FBXL17: variants seen among roughly 807,000 people sequenced by gnomAD.
FBXL17 encodes F-box/LRR-repeat protein 17.
Under a neutral mutation model 66.2 loss-of-function variants are expected in FBXL17, and 22 were observed. The observed-to-expected ratio is 0.33, with a 90% CI of 0.24 to 0.47. FBXL17 has a LOEUF of 0.47. FBXL17 is among the 20% of genes least tolerant of loss of function. The pLI is 1.00. For synonymous variants in FBXL17, 474 were observed against 400.5 expected (o/e 1.18, Z -2.19); for missense variants, 878 against 948.2 (o/e 0.93, Z 0.97).
chr5:108,186,452 T>C (rs1011697532), intron 5 of FBXL17, among the ~76,000 whole-genome samples: 1 of 152,108 alleles, frequency 6.6e-6, no homozygotes, highest in African/African-American at 2.4e-5. Context: ...CTATGGTGAA[T>C]ATCTGAATGG....
At chr5:108,059,607 C>T (rs1050582750) in intron 6 of FBXL17, among the ~76,000 whole-genome samples, 1 of 152,218 alleles carries the variant, frequency 6.6e-6, no homozygotes, top group African/African-American at 2.4e-5. Context: ...CCTCAGGATA[C>T]TCTTGTTCTC....
At chr5:107,881,497 C>G (rs1440224992) in intron 7 of FBXL17, among the ~76,000 whole-genome samples, 1 of 151,934 alleles carries the variant, frequency 6.6e-6, no homozygotes, top group Non-Finnish European at 1.5e-5. Context: ...ATTACAGATA[C>G]AACATTTAAA....
chr5:108,150,957 T>C (rs1303439130), intron 6 of FBXL17, among the ~76,000 whole-genome samples: 1 of 152,192 alleles, frequency 6.6e-6, no homozygotes, highest in Admixed American at 6.5e-5. Context: ...TTTATCAAGA[T>C]GAATCTGACA....
At chr5:108,340,280 G>A (rs1746794217) in intron 4 of FBXL17, among the ~76,000 whole-genome samples, 2 of 152,026 alleles carry the variant, frequency 1.3e-5, no homozygotes, top group Non-Finnish European at 1.5e-5. Context: ...GCCAGGCATG[G>A]TGGCTGATGC....
intron 7 of FBXL17, among the ~76,000 whole-genome samples, chr5:107,926,569 G>A (rs1750532795): frequency 6.6e-6 from 1 of 151,236 alleles, no homozygotes; most frequent in Admixed American, 6.6e-5. Flanking sequence ...ATTAATGTGT[G>A]TCATGATCTC....
intron 6 of FBXL17, among the ~76,000 whole-genome samples, chr5:108,087,165 C>T (rs1749006414): frequency 6.6e-6 from 1 of 152,156 alleles, no homozygotes; most frequent in Non-Finnish European, 1.5e-5. Context: ...TTATATGAGC[C>T]TATCAAGGCC....
intron 4 of FBXL17, among the ~76,000 whole-genome samples, chr5:108,345,981 T>A (rs1462313686): frequency 6.6e-6 from 1 of 152,154 alleles, no homozygotes; most frequent in Admixed American, 6.5e-5. Flanking sequence ...AAAGCATAGT[T>A]GAAATTCTTT....
chr5:108,324,550 T>C (rs1262606979), intron 4 of FBXL17, among the ~76,000 whole-genome samples: 2 of 151,994 alleles, frequency 1.3e-5, no homozygotes, highest in African/African-American at 2.4e-5. Context: ...ATATTAAAAA[T>C]AGAATTATAT....
chr5:107,973,354 A>AT (rs200079422), intron 7 of FBXL17, among the ~76,000 whole-genome samples: 2,897 of 120,314 alleles, frequency 0.024, 38 homozygotes, highest in African/African-American at 0.03. Flanking sequence ...TTTTTTTGTA[A>AT]TTTTTTTTTT....
intron 6 of FBXL17, among the ~76,000 whole-genome samples, chr5:108,094,043 T>A (rs1251409354): frequency 6.6e-6 from 1 of 152,134 alleles, no homozygotes; most frequent in East Asian, 1.9e-4. Flanking sequence ...GGATTAAAAA[T>A]CAAAATCTGC....
intron 6 of FBXL17, among the ~76,000 whole-genome samples, chr5:108,029,532 A>T (rs2112781652): frequency 6.6e-6 from 1 of 152,266 alleles, no homozygotes; most frequent in South Asian, 2.1e-4. Flanking sequence ...CATCAGAGGC[A>T]AATCATCTTT....
intron 6 of FBXL17, among the ~76,000 whole-genome samples, chr5:108,170,569 T>TGA (rs1473886991): frequency 6.6e-6 from 1 of 152,170 alleles, no homozygotes; most frequent in Non-Finnish European, 1.5e-5. Context: ...AGTCTCACTC[T>TGA]GTCGTCCAGG....
intron 7 of FBXL17, among the ~76,000 whole-genome samples, chr5:107,894,186 A>T (rs939858308): frequency 8.5e-5 from 13 of 152,174 alleles, no homozygotes; most frequent in Non-Finnish European, 1.0e-4. Flanking sequence ...ATGACAAATA[A>T]TTTACTAAGC....
intron 4 of FBXL17, among the ~76,000 whole-genome samples, chr5:108,347,956 T>C (rs1009943859): frequency 2.6e-5 from 4 of 152,180 alleles, no homozygotes; most frequent in African/African-American, 7.2e-5. Flanking sequence ...CTCTAACTTA[T>C]TGAATCCCAT....
At chr5:108,068,640 G>A (rs1346919749) in intron 6 of FBXL17, among the ~76,000 whole-genome samples, 1 of 151,874 alleles carries the variant, frequency 6.6e-6, no homozygotes, top group Non-Finnish European at 1.5e-5. Context: ...TATTTTTTTA[G>A]TAGAGACGGG....
At chr5:108,150,687 T>C (rs1269381322) in intron 6 of FBXL17, among the ~76,000 whole-genome samples, 2 of 152,226 alleles carry the variant, frequency 1.3e-5, no homozygotes, top group Non-Finnish European at 2.9e-5. Flanking sequence ...TGCTTCCTTG[T>C]GATTAAATTC....
chr5:107,915,610 G>A (rs1157698801), intron 7 of FBXL17, among the ~76,000 whole-genome samples: 3 of 152,148 alleles, frequency 2.0e-5, no homozygotes, highest in African/African-American at 7.2e-5. Flanking sequence ...CAATGTTCTT[G>A]CGTAATCTAG....
chr5:108,137,663 G>A (rs1447940491), intron 6 of FBXL17, among the ~76,000 whole-genome samples: 1 of 152,132 alleles, frequency 6.6e-6, no homozygotes, highest in Non-Finnish European at 1.5e-5. Context: ...TATATTTCAA[G>A]AGAAAGTCAT....
At chr5:108,020,773 T>G (rs903622640) in intron 7 of FBXL17, 152 bp downstream of exon 7, 3 of 550,916 alleles carry the variant, frequency 5.4e-6, no homozygotes, top group African/African-American at 1.9e-5. Context: ...AGCTCATAAT[T>G]TTTTTATTTT....
Sources: allele counts gnomAD v4.1 joint callset (sites outside exome capture counted in the v4.1 genomes callset), GRCh38; gene constraint gnomAD v4.1.1; transcripts MANE v1.5; gene names NCBI Gene and HGNC (gene_info 2026-07-23, HGNC 2026-07-21).